KHDRBS2: variants seen among roughly 807,000 people sequenced by gnomAD.
The protein encoded by KHDRBS2 is KH RNA binding domain containing, signal transduction associated 2.
In KHDRBS2, 26 loss-of-function variants were observed where a neutral mutation model predicts 44.3. That is an observed-to-expected ratio of 0.59 (90% confidence interval 0.43 to 0.81). KHDRBS2 has a LOEUF of 0.81. Ranked by LOEUF, KHDRBS2 falls within the 40% of genes least tolerant of loss-of-function variation. KHDRBS2 has a pLI of 0.00. For synonymous variants in KHDRBS2, 194 were observed against 151.1 expected (o/e 1.28, Z -2.08); for missense variants, 476 against 433.1 (o/e 1.10, Z -0.88).
chr6:61,851,317 A>G (rs899815659), intron 6 of KHDRBS2, among the ~76,000 whole-genome samples: 3 of 151,858 alleles, frequency 2.0e-5, no homozygotes, highest in Non-Finnish European at 4.4e-5. Flanking sequence ...GTATATATAT[A>G]TCTCCTACTT....
chr6:62,175,788 C>T (rs1057466519), intron 2 of KHDRBS2, among the ~76,000 whole-genome samples: 1 of 151,430 alleles, frequency 6.6e-6, no homozygotes, highest in African/African-American at 2.4e-5. Context: ...CATTCTGAAT[C>T]AAACATAGAT....
At chr6:62,032,514 A>G (rs1784534642) in intron 3 of KHDRBS2, among the ~76,000 whole-genome samples, 1 of 149,358 alleles carries the variant, frequency 6.7e-6, no homozygotes, top group Admixed American at 6.7e-5. Context: ...TACTTAATAA[A>G]CTCCCATATA....
intron 5 of KHDRBS2, among the ~76,000 whole-genome samples, chr6:61,899,732 T>TTC (rs1803580282): frequency 3.2e-5 from 2 of 62,684 alleles, no homozygotes; most frequent in East Asian, 9.2e-4. Flanking sequence ...ATTGTTTTAA[T>TTC]GCCCCCCCCC....
chr6:62,273,633 C>A (rs1840442792), intron 1 of KHDRBS2, among the ~76,000 whole-genome samples: 1 of 152,006 alleles, frequency 6.6e-6, no homozygotes. Flanking sequence ...TTTATATGTT[C>A]TCTCAGGGTG....
chr6:61,892,198 T>C (rs1383928099), intron 6 of KHDRBS2, among the ~76,000 whole-genome samples: 3 of 152,070 alleles, frequency 2.0e-5, no homozygotes, highest in Middle Eastern at 3.2e-3. Flanking sequence ...TTACAAGGGA[T>C]GTGAAGGACC....
chr6:62,135,154 G>A (rs1357648950), intron 2 of KHDRBS2, among the ~76,000 whole-genome samples: 2 of 152,112 alleles, frequency 1.3e-5, no homozygotes, highest in Non-Finnish European at 1.5e-5. Context: ...ACCTGTTGTG[G>A]GAGGGACCCA....
At chr6:61,702,296 A>G (rs1280153047) in intron 7 of KHDRBS2, among the ~76,000 whole-genome samples, 1 of 151,926 alleles carries the variant, frequency 6.6e-6, no homozygotes, top group Non-Finnish European at 1.5e-5. Flanking sequence ...AACTGGCTGG[A>G]AATGGCAATG....
chr6:62,268,044 G>T lies in KHDRBS2; in HGVS notation c.91+17814C>A, dbSNP rs534164975. On this transcript the variant is annotated intron_variant, in intron 1 of 8. Transcript: ENST00000281156. ...CTTTTCTCATAAATTTCTATAGAGG[G>T]TATTAATCCTATGGGAACACATTTC... Among the ~76,000 whole-genome samples, 6 of 152,110 alleles carry T rather than the reference G, an allele frequency of 3.9e-5. No individual in the cohort carries two copies. The South Asian group carries it at 1.0e-3, about 26-fold the overall frequency.
the KHDRBS2 span, among the ~76,000 whole-genome samples, chr6:61,606,954 C>A: frequency 6.6e-6 from 1 of 151,980 alleles, no homozygotes; most frequent in African/African-American, 2.4e-5. Context: ...TAAATGTGAT[C>A]AAATAGTCAA....
At chr6:62,085,104 G>T (rs542690315) in intron 2 of KHDRBS2, among the ~76,000 whole-genome samples, 19 of 152,216 alleles carry the variant, frequency 1.2e-4, no homozygotes, top group African/African-American at 4.3e-4. Flanking sequence ...CTAAAGGAGT[G>T]CTATTTAGCA....
the KHDRBS2 span, among the ~76,000 whole-genome samples, chr6:61,612,453 G>A: frequency 6.6e-6 from 1 of 152,120 alleles, no homozygotes; most frequent in South Asian, 2.1e-4. Context: ...ATGTGGCACT[G>A]TTATTTAAAC....
the KHDRBS2 span, among the ~76,000 whole-genome samples, chr6:61,549,811 C>T: frequency 6.6e-5 from 10 of 152,212 alleles, no homozygotes; most frequent in South Asian, 1.9e-3. Context: ...AGCAACTAAT[C>T]TTTAATAAAC....
At chr6:61,994,957 C>T (rs1776883237) in intron 3 of KHDRBS2, among the ~76,000 whole-genome samples, 1 of 151,846 alleles carries the variant, frequency 6.6e-6, no homozygotes. Flanking sequence ...ATGGGCACGT[C>T]TGAGGAATAG....
chr6:62,070,761 C>T (rs1794856257), intron 2 of KHDRBS2, among the ~76,000 whole-genome samples: 3 of 152,094 alleles, frequency 2.0e-5, no homozygotes, highest in African/African-American at 4.8e-5. Flanking sequence ...TGGGTTGGTT[C>T]CAAGTCTTTG....
chr6:61,827,161 A>C (rs1791012198), intron 6 of KHDRBS2, among the ~76,000 whole-genome samples: 1 of 152,228 alleles, frequency 6.6e-6, no homozygotes, highest in African/African-American at 2.4e-5. Context: ...CCCATTAGGT[A>C]ATAAACATCA....
At chr6:61,992,208 C>T (rs1164277973) in intron 3 of KHDRBS2, among the ~76,000 whole-genome samples, 1 of 152,130 alleles carries the variant, frequency 6.6e-6, no homozygotes, top group African/African-American at 2.4e-5. Flanking sequence ...ATCTTGTTTA[C>T]CTAAACTTCA....
At chr6:61,556,722 G>A in the KHDRBS2 span, among the ~76,000 whole-genome samples, 1 of 151,990 alleles carries the variant, frequency 6.6e-6, no homozygotes, top group Non-Finnish European at 1.5e-5. Context: ...GATGTTCTGG[G>A]AACTTTGGTG....
chr6:62,196,765 A>G (rs954991489), intron 1 of KHDRBS2, among the ~76,000 whole-genome samples: 7 of 152,066 alleles, frequency 4.6e-5, no homozygotes, highest in Admixed American at 1.3e-4. Context: ...GGGGCCAAAC[A>G]GGCAAGGACT....
chr6:61,953,276 A>T (rs1234728650), intron 4 of KHDRBS2, among the ~76,000 whole-genome samples: 3 of 152,054 alleles, frequency 2.0e-5, no homozygotes, highest in Non-Finnish European at 2.9e-5. Flanking sequence ...GCCATCCAAG[A>T]CTTTATACAT....
Sources: gnomAD v4.1 joint callset for allele counts (sites outside exome capture counted in the v4.1 genomes callset) on GRCh38, gnomAD v4.1.1 for gene constraint, MANE v1.5 for transcripts, NCBI Gene and HGNC (gene_info 2026-07-23, HGNC 2026-07-21) for gene names.